The following RGS7 variants were observed in gnomAD, a reference collection of about 807,000 sequenced individuals.
RGS7 encodes regulator of G protein signaling 7.
A neutral mutation model predicts 81.1 loss-of-function variants in RGS7; 27 were observed. The observed-to-expected ratio is 0.33, with a 90% CI of 0.25 to 0.46. The LOEUF (loss-of-function observed/expected upper bound fraction) is 0.46, where lower values mean the gene tolerates loss of function less well. RGS7 is among the 20% of genes least tolerant of loss of function. The probability of loss-of-function intolerance (pLI) is 1.00; values close to 1 mark genes in which losing one functional copy is unlikely to be tolerated. For synonymous variants in RGS7, 208 were observed against 207.7 expected, an observed-to-expected ratio of 1.00 and a Z score of -0.01; for missense variants, 396 against 607.4, an observed-to-expected ratio of 0.65 and a Z score of 3.66.
intron 3 of RGS7, among the ~76,000 whole-genome samples, chr1:241,008,007 T>C (rs2058760930): frequency 6.6e-6 from 1 of 152,202 alleles, no homozygotes; most frequent in South Asian, 2.1e-4. Flanking sequence ...TTTAAAAGTC[T>C]TGAAGCGAAA....
intron 9 of RGS7, among the ~76,000 whole-genome samples, chr1:240,832,079 CT>C (rs1260626190): frequency 6.6e-6 from 1 of 152,122 alleles, no homozygotes; most frequent in Non-Finnish European, 1.5e-5. Context: ...AGTCAATCAT[CT>C]TTTTGATGCA....
intron 4 of RGS7, among the ~76,000 whole-genome samples, chr1:240,944,831 C>T (rs756674018): frequency 3.9e-5 from 6 of 152,174 alleles, no homozygotes; most frequent in Non-Finnish European, 8.8e-5. Context: ...CTCCTGCCTC[C>T]GCCTCTCAAG....
intron 2 of RGS7, among the ~76,000 whole-genome samples, chr1:241,211,669 G>A (rs375908972): frequency 9.2e-5 from 14 of 152,214 alleles, no homozygotes; most frequent in East Asian, 1.9e-4. Flanking sequence ...ATTGAACTTC[G>A]AGCACTTTGA....
At chr1:241,117,893 G>A (rs4339853) in intron 2 of RGS7, among the ~76,000 whole-genome samples, 20,369 of 152,078 alleles carry the variant, frequency 0.13, 2,330 homozygotes, top group African/African-American at 0.3. Context: ...TAAGCATGAA[G>A]TCAGAATCCA....
intron 2 of RGS7, among the ~76,000 whole-genome samples, chr1:241,165,032 T>C (rs1017105231): frequency 1.3e-5 from 2 of 152,206 alleles, no homozygotes; most frequent in Admixed American, 6.5e-5. Context: ...TCCTTCCCTA[T>C]GTGCGTTCTC....
chr1:241,210,560 C>T (rs1314392280), intron 2 of RGS7, among the ~76,000 whole-genome samples: 2 of 152,182 alleles, frequency 1.3e-5, no homozygotes, highest in Non-Finnish European at 2.9e-5. Flanking sequence ...GGACTTCAAA[C>T]CCTTCGTAAA....
Position 241,164,438 on chromosome 1 carries a change from A to T in RGS7, c.79-65676T>A, listed in dbSNP as rs910034536. On this transcript the variant is annotated intron_variant, in intron 2 of 18. Transcript: ENST00000440928. This position sits in a 1 kb window ranked among gnomAD's most constrained non-coding sequence, Gnocchi z 4.1. ...TTGGTCTTTTCAGCGTCCGGTCCCC[A>T]TCCTGAAGCCACCTAGGGACTGCCA... Among the ~76,000 whole-genome samples, 4 of 152,128 alleles carry T rather than the reference A, an allele frequency of 2.6e-5. No individual in the cohort carries two copies. Among genetic ancestry groups the T allele is most frequent in the Non-Finnish European group, 5.9e-5 (4 of 68,030 alleles).
chr1:241,253,521 G>A (rs1248184715), intron 2 of RGS7, among the ~76,000 whole-genome samples: 1 of 152,124 alleles, frequency 6.6e-6, no homozygotes, highest in African/African-American at 2.4e-5. Flanking sequence ...TCCTTGAAGT[G>A]GAAATGAAAA....
chr1:241,272,629 C>G lies in RGS7; in HGVS notation c.78+83070G>C, dbSNP rs187816662. 2.3e-4 allele frequency among the ~76,000 whole-genome samples: 35 copies of G among 152,256 alleles called. No homozygotes were observed. The East Asian group carries it at 6.2e-3, about 27-fold the overall frequency. Reference sequence around the variant, plus strand: ...TGGTTGAGGTCTTTAAGTTTAATATCTCTCCAAATATTTCTTTCTTCTCAA... The same window carrying G: ...TGGTTGAGGTCTTTAAGTTTAATATGTCTCCAAATATTTCTTTCTTCTCAA... On this transcript the variant is annotated intron_variant, in intron 2 of 18. Coordinates refer to ENST00000440928, the MANE Select transcript of RGS7 (RefSeq NM_001364886.1).
intron 2 of RGS7, among the ~76,000 whole-genome samples, chr1:241,189,973 G>GCAC (rs1205160096): frequency 6.6e-6 from 1 of 152,106 alleles, no homozygotes; most frequent in Non-Finnish European, 1.5e-5. Context: ...CGCGGTGGTG[G>GCAC]GCACCTGTAG....
chr1:241,007,210 C>G (rs1486218432), intron 3 of RGS7, among the ~76,000 whole-genome samples: 1 of 152,144 alleles, frequency 6.6e-6, no homozygotes, highest in Non-Finnish European at 1.5e-5. Flanking sequence ...AGCCACTGCG[C>G]CCAGCCTTCT....
Position 240,867,294 on chromosome 1 carries a change from G to C in RGS7, c.609+1293C>G, listed in dbSNP as rs566025181. 3.3e-5 allele frequency among the ~76,000 whole-genome samples: 5 copies of C among 152,268 alleles called. No homozygotes were observed. The East Asian group carries it at 9.7e-4, about 29-fold the overall frequency. ...TTGGTCTGACTCTGAAGGTAGTTGG[G>C]AGAAAATTGTAAGGTATTCTTATCA... On this transcript the variant is annotated intron_variant, in intron 9 of 18. Transcript: ENST00000440928.
chr1:241,311,214 G>A (rs1258587174), intron 2 of RGS7, among the ~76,000 whole-genome samples: 1 of 152,098 alleles, frequency 6.6e-6, no homozygotes, highest in Non-Finnish European at 1.5e-5. Context: ...TAACAACTTA[G>A]GCATTCCTGA....
At chr1:241,203,528 C>T (rs1426902896) in intron 2 of RGS7, among the ~76,000 whole-genome samples, 1 of 152,154 alleles carries the variant, frequency 6.6e-6, no homozygotes, top group Non-Finnish European at 1.5e-5. Flanking sequence ...CCGTGCCCGG[C>T]CTGAGTTCTG....
Position 241,144,466 on chromosome 1 carries a change from A to G in RGS7, c.79-45704T>C, listed in dbSNP as rs2068150259. Among the ~76,000 whole-genome samples the G allele has an allele frequency of 6.6e-6, 1 of 152,142 alleles. No individual in the cohort carries two copies. Among genetic ancestry groups the G allele is most frequent in the Admixed American group, 6.5e-5 (1 of 15,280 alleles). ...GCGGTTCACGGAAGCAGCTTTGTAA[A>G]CCTACATAAAGATTCCCCCTTCCTT... On this transcript the variant is annotated intron_variant, in intron 2 of 18. Coordinates refer to ENST00000440928, the MANE Select transcript of RGS7 (RefSeq NM_001364886.1). This position sits in a 1 kb window ranked among gnomAD's most constrained non-coding sequence, Gnocchi z 4.7.
chr1:241,209,501 A>G (rs2147914556), intron 2 of RGS7, among the ~76,000 whole-genome samples: 1 of 152,274 alleles, frequency 6.6e-6, no homozygotes, highest in South Asian at 2.1e-4. Context: ...GCACTTATCA[A>G]GAGTTTATCA....
At position 241,192,159 on chromosome 1, in the gene RGS7, G is replaced by GGTAT. The variant is rs1432006795; in HGVS notation, c.79-93398_79-93397insATAC. Among the ~76,000 whole-genome samples the GGTAT allele has an allele frequency of 5.6e-3, 680 of 122,010 alleles. 11 individuals are homozygous for GGTAT. Among genetic ancestry groups the GGTAT allele is most frequent in the East Asian group, 0.037 (170 of 4,592 alleles). The allele number at this position is 122,010 out of a possible 152,430, so 80.0% of individuals were successfully genotyped here. Reference sequence around the variant, plus strand: ...CCTGATCATTTGGCTAGAGAAAACAGGTGTGTGTGTGTGTGTGTGTGTGTG... The same window carrying GGTAT: ...CCTGATCATTTGGCTAGAGAAAACAGGTATGTGTGTGTGTGTGTGTGTGTGTGTG... On this transcript the variant is annotated intron_variant, in intron 2 of 18. Coordinates refer to ENST00000440928, the MANE Select transcript of RGS7 (RefSeq NM_001364886.1).
intron 2 of RGS7, among the ~76,000 whole-genome samples, chr1:241,195,651 G>C (rs1168775669): frequency 6.6e-6 from 1 of 151,542 alleles, no homozygotes; most frequent in Non-Finnish European, 1.5e-5. Context: ...ATTCAGTGAA[G>C]AACAAAAAAT....
At chr1:241,245,745 T>G (rs995484283) in intron 2 of RGS7, among the ~76,000 whole-genome samples, 1 of 151,528 alleles carries the variant, frequency 6.6e-6, no homozygotes, top group Middle Eastern at 3.4e-3. Context: ...AGGCAGAGGT[T>G]GCGGTAAGCT....
Sources: gnomAD v4.1 joint callset for allele counts (sites outside exome capture counted in the v4.1 genomes callset) on GRCh38, gnomAD v4.1.1 for gene constraint, Gnocchi (gnomAD v3.1) non-coding constraint, MANE v1.5 for transcripts, NCBI Gene and HGNC (gene_info 2026-07-23, HGNC 2026-07-21) for gene names.